The following DDAH1 variants were observed in gnomAD, a reference collection of about 807,000 sequenced individuals.
The protein encoded by DDAH1 is N(G),N(G)-dimethylarginine dimethylaminohydrolase 1.
In DDAH1, 19 loss-of-function variants were observed where a neutral mutation model predicts 28.8. The ratio of observed to expected loss-of-function variants is 0.66; its 90% CI spans 0.46 to 0.97. The LOEUF (loss-of-function observed/expected upper bound fraction) is 0.97, where lower values mean the gene tolerates loss of function less well. Ranked by LOEUF, DDAH1 falls within the 50% of genes least tolerant of loss-of-function variation. DDAH1 has a pLI of 0.00. For synonymous variants in DDAH1, 153 were observed against 154.4 expected (o/e 0.99, Z 0.07); for missense variants, 326 against 375.9 (o/e 0.87, Z 1.10).
At position 85,324,902 on chromosome 1, in the gene DDAH1, C is replaced by A. The variant is rs749248874; in HGVS notation, c.598-19G>T. On this transcript the variant is annotated intron_variant, in intron 4 of 5. Transcript: ENST00000284031. ...GCATGATCTATAAAGAGAAACAAAG[C>A]AGGCCTAAGAAGAGTAACTCCCCAC... 2 of 1,613,028 alleles carry A rather than the reference C, an allele frequency of 1.2e-6. No individual in the cohort carries two copies. The highest frequency in any genetic ancestry group is 1.7e-5 in the Admixed American group (1 of 59,972).
In DDAH1 at chr1:85,518,401, G is replaced by C. The variant is rs556763109; in HGVS notation, c.-122-22120C>G. Among the ~76,000 whole-genome samples, 294 of 152,310 alleles carry C rather than the reference G, an allele frequency of 1.9e-3. 2 individuals are homozygous for C. The highest frequency in any genetic ancestry group is 6.8e-3 in the African/African-American group (284 of 41,568). On this transcript the variant is annotated intron_variant, in intron 1 of 6. Transcript: ENST00000426972. ...AAAATCCCTTTCCCTGCTCGTTCAGGTGTTGGCAGAATTCAGTTCCATGTG... is the reference window on the plus strand; with the variant it reads ...AAAATCCCTTTCCCTGCTCGTTCAGCTGTTGGCAGAATTCAGTTCCATGTG...
At chr1:85,514,335 G>A (rs1183327056) in intron 1 of DDAH1, among the ~76,000 whole-genome samples, 1 of 152,132 alleles carries the variant, frequency 6.6e-6, no homozygotes, top group Non-Finnish European at 1.5e-5. Flanking sequence ...ATTGAACAAT[G>A]AGATCACTTG....
At chr1:85,557,531 A>C (rs1659009947) in intron 1 of DDAH1, among the ~76,000 whole-genome samples, 1 of 152,238 alleles carries the variant, frequency 6.6e-6, no homozygotes. Context: ...TTTTGGATTC[A>C]AAACCTATGC....
Position 85,358,706 on chromosome 1 carries a change from A to G in DDAH1, c.403+42T>C, listed in dbSNP as rs1022063817. 3.7e-6 allele frequency: 5 copies of G among 1,346,812 alleles called. No individual in the cohort carries two copies. The Admixed American group carries it at 6.5e-5, about 18-fold the overall frequency. The allele number at this position is 1,346,812 out of a possible 1,614,324, so 83.4% of individuals were successfully genotyped here. On this transcript the variant is annotated intron_variant, in intron 2 of 5. Coordinates refer to ENST00000284031, the MANE Select transcript of DDAH1 (RefSeq NM_012137.4). ...TAAAACAAGTAAATACAAGCCAAGT[A>G]TTAAAAATATTCTTGGATAGAAAAA...
intron 1 of DDAH1, among the ~76,000 whole-genome samples, chr1:85,423,913 G>A (rs7521189): frequency 0.46 from 70,597 of 151,844 alleles, 16,819 homozygotes; most frequent in Middle Eastern, 0.58. Context: ...TATGTGTTGC[G>A]ATTTTTATCA....
chr1:85,574,405 C>G (rs1659540050), intron 1 of DDAH1, among the ~76,000 whole-genome samples: 1 of 152,252 alleles, frequency 6.6e-6, no homozygotes, highest in Non-Finnish European at 1.5e-5. Context: ...CAACTGACAT[C>G]TCTTGCCAGT....
At chr1:85,510,612 C>A (rs760247757) in intron 1 of DDAH1, among the ~76,000 whole-genome samples, 1 of 152,064 alleles carries the variant, frequency 6.6e-6, no homozygotes, top group Admixed American at 6.5e-5. Context: ...CCCATCTCAC[C>A]TGCAAAGATG....
At chr1:85,371,865 T>G (rs1334773744) in intron 1 of DDAH1, among the ~76,000 whole-genome samples, 1 of 152,218 alleles carries the variant, frequency 6.6e-6, no homozygotes, top group African/African-American at 2.4e-5. Flanking sequence ...TTGTATTTGC[T>G]AATTTTTCAC....
At chr1:85,552,787 A>G (rs1326026796) in intron 1 of DDAH1, among the ~76,000 whole-genome samples, 1 of 152,202 alleles carries the variant, frequency 6.6e-6, no homozygotes, top group Non-Finnish European at 1.5e-5. Context: ...AACAGTAAGT[A>G]AGTAAAACAA....
At chr1:85,397,682 G>T (rs1651873581) in intron 1 of DDAH1, among the ~76,000 whole-genome samples, 1 of 152,102 alleles carries the variant, frequency 6.6e-6, no homozygotes, top group Non-Finnish European at 1.5e-5. Flanking sequence ...CAATACAATT[G>T]GAAACACTGG....
At chr1:85,473,132 C>A (rs549159732) in intron 2 of DDAH1, among the ~76,000 whole-genome samples, 1 of 152,266 alleles carries the variant, frequency 6.6e-6, no homozygotes, top group South Asian at 2.1e-4. Context: ...CACTGATGGA[C>A]ACCTAGGTTG....
chr1:85,531,083 T>C (rs1247482409), intron 1 of DDAH1, among the ~76,000 whole-genome samples: 2 of 149,834 alleles, frequency 1.3e-5, no homozygotes, highest in East Asian at 3.9e-4. Flanking sequence ...ATAAAGAAAG[T>C]CATTTAATGA....
chr1:85,467,482 GTTA>G (rs1655428396), upstream of DDAH1: 1 of 152,058 alleles, frequency 6.6e-6, no homozygotes, highest in African/African-American at 2.4e-5. Flanking sequence ...CCTGTTAAAT[GTTA>G]TTTACTTATT....
At chr1:85,339,940 A>T (rs1485974405) in intron 4 of DDAH1, among the ~76,000 whole-genome samples, 2 of 152,284 alleles carry the variant, frequency 1.3e-5, no homozygotes, top group African/African-American at 4.8e-5. Flanking sequence ...GCTGTGATGT[A>T]CGATCTCAGC....
At chr1:85,353,981 C>A (rs1180065249) in intron 2 of DDAH1, among the ~76,000 whole-genome samples, 2 of 152,056 alleles carry the variant, frequency 1.3e-5, no homozygotes, top group African/African-American at 2.4e-5. Context: ...TGGGAAAGTA[C>A]AAAGAGAAGG....
chr1:85,471,239 C>T (rs1424797541), intron 2 of DDAH1, among the ~76,000 whole-genome samples: 2 of 152,194 alleles, frequency 1.3e-5, no homozygotes, highest in Non-Finnish European at 2.9e-5. Context: ...TCTATGGTTC[C>T]AGCTCTCAGC....
At chr1:85,455,727 G>C (rs1417519050) in intron 1 of DDAH1, among the ~76,000 whole-genome samples, 1 of 152,158 alleles carries the variant, frequency 6.6e-6, no homozygotes, top group East Asian at 1.9e-4. Flanking sequence ...ATGTGTGATG[G>C]CAGACAGTAT....
chr1:85,562,258 A>G (rs1327920806), intron 1 of DDAH1, among the ~76,000 whole-genome samples: 1 of 152,210 alleles, frequency 6.6e-6, no homozygotes, highest in African/African-American at 2.4e-5. Context: ...ATAGATATGA[A>G]GTTGATTTAG....
At chr1:85,455,616 A>G (rs891575682) in intron 1 of DDAH1, among the ~76,000 whole-genome samples, 1 of 152,178 alleles carries the variant, frequency 6.6e-6, no homozygotes, top group African/African-American at 2.4e-5. Context: ...AGAAAACACA[A>G]CTTACAGCAA....
Sources: allele counts gnomAD v4.1 joint callset (sites outside exome capture counted in the v4.1 genomes callset), GRCh38; gene constraint gnomAD v4.1.1; transcripts MANE v1.5; gene names NCBI Gene and HGNC (gene_info 2026-07-23, HGNC 2026-07-21).